BCL7C: variants seen among roughly 807,000 people sequenced by gnomAD.
BCL7C encodes the protein B-cell CLL/lymphoma 7 protein family member C.
BCL7C carries 8 observed loss-of-function variants against 26.2 expected under a neutral mutation model. The ratio of observed to expected loss-of-function variants is 0.30; its 90% CI spans 0.18 to 0.55. BCL7C has a LOEUF of 0.55. Among genes scored for constraint, BCL7C ranks in the 20% least tolerant of loss-of-function variants. The pLI is 0.93. For missense variants in BCL7C, 262 were observed against 298.5 expected, an observed-to-expected ratio of 0.88 and a Z score of 0.90; for synonymous variants, 90 against 116.5, an observed-to-expected ratio of 0.77 and a Z score of 1.47.
intron 5 of BCL7C, among the ~76,000 whole-genome samples, chr16:30,861,842 A>G (rs2054775679): frequency 6.8e-6 from 1 of 147,786 alleles, no homozygotes; most frequent in African/African-American, 2.5e-5. Flanking sequence ...TTCTGGTGCC[A>G]ACTTGGACAA....
chr16:30,889,012 G>A (rs2055182054), intron 4 of BCL7C, 67 bp from the exon 5 acceptor site: 2 of 1,470,444 alleles, frequency 1.4e-6, no homozygotes, highest in African/African-American at 1.4e-5. Context: ...GACAGTGGGG[G>A]AAACAGATGG....
At chr16:30,839,748 A>G (rs2054590687) in intron 5 of BCL7C, among the ~76,000 whole-genome samples, 1 of 152,216 alleles carries the variant, frequency 6.6e-6, no homozygotes. Flanking sequence ...AGCTCAGCCA[A>G]CACCTAGACT....
At chr16:30,862,742 T>C (rs1224290279) in intron 5 of BCL7C, among the ~76,000 whole-genome samples, 1 of 152,148 alleles carries the variant, frequency 6.6e-6, no homozygotes, top group African/African-American at 2.4e-5. Context: ...CAACAACTCC[T>C]TTCCTTCCTA....
At chr16:30,846,494 TGG>T (rs1458942682) in intron 5 of BCL7C, among the ~76,000 whole-genome samples, 2 of 152,106 alleles carry the variant, frequency 1.3e-5, no homozygotes, top group Non-Finnish European at 2.9e-5. Flanking sequence ...CCCAAAGTTC[TGG>T]GATTACAGGC....
intron 5 of BCL7C, among the ~76,000 whole-genome samples, chr16:30,839,123 A>T (rs1349405550): frequency 6.6e-6 from 1 of 152,244 alleles, no homozygotes; most frequent in Non-Finnish European, 1.5e-5. Flanking sequence ...TAGTTAGTGC[A>T]ACAGATTTCC....
chr16:30,877,809 C>G (rs1454227147), intron 5 of BCL7C, among the ~76,000 whole-genome samples: 1 of 152,116 alleles, frequency 6.6e-6, no homozygotes, highest in Non-Finnish European at 1.5e-5. Flanking sequence ...GTAAGCCAAA[C>G]AAATCACATT....
chr16:30,874,772 G>C, intron 5 of BCL7C, among the ~76,000 whole-genome samples: 1 of 152,082 alleles, frequency 6.6e-6, no homozygotes, highest in Admixed American at 6.6e-5. Context: ...TCTTGACTCC[G>C]GATAAATCAC....
intron 5 of BCL7C, among the ~76,000 whole-genome samples, chr16:30,861,165 C>T (rs1400760613): frequency 6.6e-6 from 1 of 152,162 alleles, no homozygotes; most frequent in Non-Finnish European, 1.5e-5. Flanking sequence ...CTTAGACGCT[C>T]TACCGCCCTT....
intron 5 of BCL7C, among the ~76,000 whole-genome samples, chr16:30,844,100 C>T (rs1454473668): frequency 6.7e-6 from 1 of 148,312 alleles, no homozygotes; most frequent in Non-Finnish European, 1.5e-5. Context: ...GCCTATAATC[C>T]CAGCACTTTG....
chr16:30,864,657 GAC>G (rs2054808394), intron 5 of BCL7C, among the ~76,000 whole-genome samples: 1 of 151,964 alleles, frequency 6.6e-6, no homozygotes, highest in Admixed American at 6.6e-5. Context: ...ATTAATATAA[GAC>G]AGGAATGTCA....
intron 5 of BCL7C, among the ~76,000 whole-genome samples, chr16:30,846,095 G>A (rs1364214394): frequency 2.1e-5 from 3 of 140,824 alleles, no homozygotes; most frequent in Admixed American, 7.1e-5. Flanking sequence ...GGGCAACAGA[G>A]CGAGACTCCA....
At chr16:30,852,886 A>C (rs2054688565) in intron 5 of BCL7C, among the ~76,000 whole-genome samples, 1 of 152,142 alleles carries the variant, frequency 6.6e-6, no homozygotes, top group Non-Finnish European at 1.5e-5. Flanking sequence ...ACAGCTGTAC[A>C]AAAATATTTC....
At chr16:30,877,339 A>G (rs1225437642) in intron 5 of BCL7C, among the ~76,000 whole-genome samples, 1 of 152,110 alleles carries the variant, frequency 6.6e-6, no homozygotes. Flanking sequence ...AGCAACACAT[A>G]GCTCACTGTA....
intron 5 of BCL7C, chr16:30,876,029 G>C (rs542193911): frequency 3.3e-5 from 5 of 152,324 alleles, no homozygotes; most frequent in African/African-American, 1.2e-4. Flanking sequence ...CTACGCCACA[G>C]CTGCCTGGCT....
chr16:30,862,999 G>C (rs1264096191), intron 5 of BCL7C, among the ~76,000 whole-genome samples: 1 of 152,106 alleles, frequency 6.6e-6, no homozygotes, highest in East Asian at 1.9e-4. Flanking sequence ...TTATACAAGA[G>C]CTGGGACCAT....
intron 4 of BCL7C, among the ~76,000 whole-genome samples, chr16:30,892,115 A>G (rs997569224): frequency 2.0e-5 from 3 of 150,754 alleles, no homozygotes; most frequent in African/African-American, 4.9e-5. Context: ...AAAAATACAA[A>G]AATTAGCCAG....
chr16:30,892,794 CTCCT>C, intron 3 of BCL7C, 42 bp downstream of exon 3: 1 of 1,614,026 alleles, frequency 6.2e-7, no homozygotes, highest in Non-Finnish European at 8.5e-7. Context: ...CCCTAGTACA[CTCCT>C]TCAGTCCCCA....
At chr16:30,877,243 C>T (rs1275335195) in intron 5 of BCL7C, among the ~76,000 whole-genome samples, 2 of 151,294 alleles carry the variant, frequency 1.3e-5, no homozygotes, top group Non-Finnish European at 3.0e-5. Context: ...CTCAGAATAT[C>T]TGCTTTCAAG....
exon 6 of BCL7C, chr16:30,833,974 A>C (rs2054555497): frequency 6.6e-6 from 1 of 152,304 alleles, no homozygotes; most frequent in African/African-American, 2.4e-5. Context: ...TGCAAAATGC[A>C]GATAATGAGA....
Sources: allele counts gnomAD v4.1 joint callset (sites outside exome capture counted in the v4.1 genomes callset), GRCh38; gene constraint gnomAD v4.1.1; transcripts MANE v1.5; gene names NCBI Gene and HGNC (gene_info 2026-07-23, HGNC 2026-07-21).